SAMTOR: variants seen among roughly 807,000 people sequenced by gnomAD.
The protein encoded by SAMTOR is S-adenosylmethionine sensor upstream of mTORC1.
At chr7:112,930,253 CAT>C in the SAMTOR span, among the ~76,000 whole-genome samples, 2 of 152,100 alleles carry the variant, frequency 1.3e-5, no homozygotes, top group Admixed American at 6.6e-5. Flanking sequence ...GATTGTCTTA[CAT>C]AGTTAAGCCA....
At chr7:112,833,990 C>T in the SAMTOR span, among the ~76,000 whole-genome samples, 1 of 152,124 alleles carries the variant, frequency 6.6e-6, no homozygotes, top group Non-Finnish European at 1.5e-5. Context: ...CTTATTTATT[C>T]CCTTGATTTC....
chr7:112,842,799 A>G, the SAMTOR span, among the ~76,000 whole-genome samples: 1 of 151,980 alleles, frequency 6.6e-6, no homozygotes, highest in African/African-American at 2.4e-5. Context: ...GTATCTATTA[A>G]AAGACTGTAC....
At chr7:112,850,103 G>A in the SAMTOR span, among the ~76,000 whole-genome samples, 3 of 152,140 alleles carry the variant, frequency 2.0e-5, no homozygotes, top group African/African-American at 7.2e-5. Flanking sequence ...CTACTTGGGA[G>A]GCTGAGGGAA....
At chr7:112,914,380 C>T in the SAMTOR span, among the ~76,000 whole-genome samples, 14 of 149,440 alleles carry the variant, frequency 9.4e-5, no homozygotes, top group Admixed American at 1.3e-4. Context: ...ACCACCGGGG[C>T]AATAAGCATA....
At chr7:112,887,228 G>A in the SAMTOR span, among the ~76,000 whole-genome samples, 1 of 150,250 alleles carries the variant, frequency 6.7e-6, no homozygotes, top group South Asian at 2.1e-4. Flanking sequence ...TAAAAAGATC[G>A]TATTAAACAG....
chr7:112,844,034 A>T, the SAMTOR span, among the ~76,000 whole-genome samples: 2 of 152,120 alleles, frequency 1.3e-5, no homozygotes, highest in African/African-American at 2.4e-5. Flanking sequence ...AAACCACATG[A>T]TCATCTCAAT....
the SAMTOR span, among the ~76,000 whole-genome samples, chr7:112,894,422 A>C: frequency 6.6e-6 from 1 of 152,218 alleles, no homozygotes; most frequent in Non-Finnish European, 1.5e-5. Flanking sequence ...AAATATTGTG[A>C]GAATTACTAA....
chr7:112,904,529 A>C, the SAMTOR span, among the ~76,000 whole-genome samples: 137 of 152,294 alleles, frequency 9.0e-4, no homozygotes, highest in Middle Eastern at 3.4e-3. Context: ...TGCAACTAAA[A>C]TAGCAATCTG....
the SAMTOR span, among the ~76,000 whole-genome samples, chr7:112,870,767 C>T: frequency 1.3e-5 from 2 of 150,004 alleles, no homozygotes; most frequent in African/African-American, 4.9e-5. Context: ...AAAAAAAAAC[C>T]CACCCATCTT....
chr7:112,934,002 T>G, the SAMTOR span, among the ~76,000 whole-genome samples: 1 of 152,216 alleles, frequency 6.6e-6, no homozygotes, highest in Non-Finnish European at 1.5e-5. Flanking sequence ...AGCAAATCAA[T>G]ATTTTCTTAA....
chr7:112,883,503 C>T, the SAMTOR span, among the ~76,000 whole-genome samples: 1 of 152,294 alleles, frequency 6.6e-6, no homozygotes, highest in Non-Finnish European at 1.5e-5. Flanking sequence ...ACAGCTATGT[C>T]TTAGTTGCCA....
the SAMTOR span, among the ~76,000 whole-genome samples, chr7:112,826,135 G>A: frequency 6.6e-6 from 1 of 151,972 alleles, no homozygotes; most frequent in African/African-American, 2.4e-5. Flanking sequence ...CTGTAGTTTT[G>A]TTTTATAACA....
the SAMTOR span, among the ~76,000 whole-genome samples, chr7:112,839,026 G>A: frequency 3.8e-4 from 57 of 151,906 alleles, no homozygotes; most frequent in Middle Eastern, 3.4e-3. Flanking sequence ...TCTAAATACC[G>A]TTCTCTCACT....
At chr7:112,857,263 T>C in the SAMTOR span, among the ~76,000 whole-genome samples, 8 of 150,550 alleles carry the variant, frequency 5.3e-5, no homozygotes, top group East Asian at 1.6e-3. Context: ...GGCTAATTTT[T>C]TGTATTTTTA....
At chr7:112,852,804 G>C in the SAMTOR span, among the ~76,000 whole-genome samples, 2 of 151,754 alleles carry the variant, frequency 1.3e-5, no homozygotes, top group African/African-American at 4.8e-5. Context: ...GCTCTAACAA[G>C]AACCTTTCTT....
chr7:112,902,651 G>A, the SAMTOR span, among the ~76,000 whole-genome samples: 1 of 151,940 alleles, frequency 6.6e-6, no homozygotes, highest in Non-Finnish European at 1.5e-5. Context: ...TGATCTATCA[G>A]TATAAGTTTA....
the SAMTOR span, chr7:112,939,781 C>T: frequency 6.5e-7 from 1 of 1,539,882 alleles, no homozygotes; most frequent in Non-Finnish European, 8.8e-7. Context: ...CGCCGCCCCT[C>T]AGGCCCCCGC....
chr7:112,937,079 T>C, the SAMTOR span, among the ~76,000 whole-genome samples: 3 of 152,188 alleles, frequency 2.0e-5, no homozygotes, highest in African/African-American at 7.2e-5. Context: ...AGCTATTAGA[T>C]CACCACTCTA....
chr7:112,902,421 AAAAAAAACAAAAAAAAAC>A, the SAMTOR span, among the ~76,000 whole-genome samples: 1 of 101,538 alleles, frequency 9.8e-6, no homozygotes, highest in Non-Finnish European at 1.9e-5. Context: ...CGTCTCAAAA[AAAAAAAACAAAAAAAAAC>A]AAAAAAAAAC....
Sources: allele counts gnomAD v4.1 joint callset (sites outside exome capture counted in the v4.1 genomes callset), GRCh38; gene constraint gnomAD v4.1.1; transcripts MANE v1.5; gene names NCBI Gene and HGNC (gene_info 2026-07-23, HGNC 2026-07-21).